SLC9B2: variants seen among roughly 807,000 people sequenced by gnomAD.
SLC9B2 encodes sodium/hydrogen exchanger 9B2.
Under a neutral mutation model 52.2 loss-of-function variants are expected in SLC9B2, and 39 were observed. The observed-to-expected ratio is 0.75, with a 90% CI of 0.58 to 0.98. SLC9B2 has a LOEUF of 0.98. SLC9B2 is among the 50% of genes least tolerant of loss of function. The pLI is 0.00. For synonymous variants in SLC9B2, 214 were observed against 227.0 expected (o/e 0.94, Z 0.51); for missense variants, 626 against 637.5 (o/e 0.98, Z 0.19).
chr4:103,075,274 G>A (rs773000263), intron 1 of SLC9B2, among the ~76,000 whole-genome samples: 11 of 151,908 alleles, frequency 7.2e-5, no homozygotes, highest in Non-Finnish European at 1.3e-4. Flanking sequence ...CTCAGCCTCC[G>A]GAATAGCTGG....
chr4:103,063,363 A>G (rs1389764196), intron 3 of SLC9B2, among the ~76,000 whole-genome samples: 1 of 152,204 alleles, frequency 6.6e-6, no homozygotes, highest in African/African-American at 2.4e-5. Context: ...TCTAGAGCCT[A>G]AAGTATAGTA....
Position 103,037,592 on chromosome 4 carries a change from T to A in SLC9B2, c.1146+5704A>T, listed in dbSNP as rs72937401. Among the ~76,000 whole-genome samples, 1,406 of 152,320 alleles carry A rather than the reference T, an allele frequency of 9.2e-3. 21 individuals carry two copies. Among genetic ancestry groups the A allele is most frequent in the African/African-American group, 0.032 (1,345 of 41,572 alleles). On this transcript the variant is annotated intron_variant, in intron 9 of 11. Transcript: ENST00000394785. ...TGAGGGCATTGGTTGATTTATTTAA[T>A]AGTTCTGTTTCTATAGCATGAAAAA...
At chr4:103,071,046 G>A (rs1746573360) in intron 1 of SLC9B2, among the ~76,000 whole-genome samples, 1 of 151,928 alleles carries the variant, frequency 6.6e-6, no homozygotes, top group Non-Finnish European at 1.5e-5. Context: ...ATATGTACCT[G>A]TTAAGAAGGA....
At chr4:103,062,750 A>C (rs1745778782) in intron 3 of SLC9B2, among the ~76,000 whole-genome samples, 1 of 152,162 alleles carries the variant, frequency 6.6e-6, no homozygotes, top group Admixed American at 6.5e-5. Flanking sequence ...AGCTGCAATT[A>C]CAGGCACCCA....
intron 3 of SLC9B2, among the ~76,000 whole-genome samples, chr4:103,059,040 CTG>C (rs1181006512): frequency 2.0e-5 from 3 of 152,080 alleles, no homozygotes; most frequent in South Asian, 2.1e-4. Flanking sequence ...GCACTCCAGC[CTG>C]TGTTACACAG....
intron 9 of SLC9B2, among the ~76,000 whole-genome samples, chr4:103,035,033 G>C (rs1292800581): frequency 1.3e-5 from 2 of 152,050 alleles, no homozygotes; most frequent in Non-Finnish European, 2.9e-5. Context: ...TTGTTACATA[G>C]GTAAACTTGT....
intron 10 of SLC9B2, among the ~76,000 whole-genome samples, chr4:103,029,611 G>C (rs1049368439): frequency 6.6e-6 from 1 of 152,100 alleles, no homozygotes; most frequent in African/African-American, 2.4e-5. Context: ...TAGTCCTGTA[G>C]AATTCTTTGC....
rs756623440 is a variant in SLC9B2 at position 103,026,401 on chromosome 4, T to G, written c.1583A>C (p.Glu528Ala). The G allele has an allele frequency of 1.4e-5, 22 of 1,613,388 alleles. No individual in the cohort carries two copies. Among genetic ancestry groups the G allele is most frequent in the Admixed American group, 1.3e-4 (8 of 59,942 alleles). Residue 528 changes from glutamate to alanine, a missense_variant, in exon 12 of 12, where the codon GAA becomes GCA. Physicochemically the swap from Glu to Ala is moderately radical, Grantham distance 107. Coordinates refer to ENST00000394785, the MANE Select transcript of SLC9B2 (RefSeq NM_178833.7). Reference protein sequence around the residue: ...QKVEHQNKDEEVQGETSVQV With the variant: ...QKVEHQNKDEAVQGETSVQV Reference sequence around the variant, plus strand: ...TTGCACAGAAGTCTCTCCTTGAACTTCTTCATCTTTATTTTGATGTTCAAC... The same window carrying G: ...TTGCACAGAAGTCTCTCCTTGAACTGCTTCATCTTTATTTTGATGTTCAAC...
rs1427752366 is a variant in SLC9B2, at chr4:103,024,430, G to A, written c.*1940C>T. The stretch of plus-strand genomic sequence containing the variant: ...AACATTAAAGGAATACAGCACCATA[G>A]GGTAACCAAAGCAAAGTTGACATAA... On this transcript the variant is annotated 3_prime_UTR_variant, in exon 12 of 12. Coordinates refer to ENST00000394785, the MANE Select transcript of SLC9B2 (RefSeq NM_178833.7). Among the ~76,000 whole-genome samples the A allele has an allele frequency of 5.3e-5, 8 of 152,168 alleles. No homozygotes were observed. Among genetic ancestry groups the A allele is most frequent in the Admixed American group, 3.3e-4 (5 of 15,280 alleles).
intron 1 of SLC9B2, among the ~76,000 whole-genome samples, chr4:103,073,573 G>C (rs1234540100): frequency 6.6e-6 from 1 of 152,140 alleles, no homozygotes; most frequent in African/African-American, 2.4e-5. Flanking sequence ...GAAAGACTTA[G>C]GTGTGTCAAA....
downstream of SLC9B2, chr4:103,020,350 C>T (rs548459293): frequency 3.7e-3 from 1,646 of 449,816 alleles, 11 homozygotes; most frequent in Admixed American, 8.3e-3. Context: ...AAGCTTTGGC[C>T]TTTCAGTCCC....
intron 5 of SLC9B2, among the ~76,000 whole-genome samples, chr4:103,049,766 C>T (rs1224348998): frequency 6.6e-6 from 1 of 152,106 alleles, no homozygotes; most frequent in Non-Finnish European, 1.5e-5. Context: ...AATCCTAGCA[C>T]TTTGGGAGGG....
Position 103,048,889 on chromosome 4 carries a change from T to G in SLC9B2, c.713+4A>C. 1 of 1,612,966 alleles carries G rather than the reference T, an allele frequency of 6.2e-7. No individual in the cohort carries two copies. The highest frequency in any genetic ancestry group is 8.5e-7 in the Non-Finnish European group (1 of 1,179,446). ...TTTTCATATGACAAAGAAACAATCA[T>G]TACCCCAGTATAAATCCCCATTGCC... On this transcript the variant is annotated splice_donor_region_variant and intron_variant, in intron 6 of 11. Coordinates refer to ENST00000394785, the MANE Select transcript of SLC9B2 (RefSeq NM_178833.7).
downstream of SLC9B2, among the ~76,000 whole-genome samples, chr4:103,018,931 A>T (rs949585669): frequency 6.6e-6 from 1 of 152,220 alleles, no homozygotes; most frequent in African/African-American, 2.4e-5. Context: ...ATAGGAGCAC[A>T]GACCTGATTA....
intron 6 of SLC9B2, chr4:103,048,579 C>A: frequency 4.9e-6 from 1 of 204,090 alleles, no homozygotes. Context: ...CTGTTGATCA[C>A]TGTTGCTGTG....
chr4:103,049,107 A>C, intron 5 of SLC9B2, 87 bp from the exon 6 acceptor site: 4 of 1,472,924 alleles, frequency 2.7e-6, no homozygotes, highest in Non-Finnish European at 2.8e-6. Context: ...CAGTATATGG[A>C]CCACGTCTGG....
In SLC9B2 at chr4:103,057,287, CACATATAT is replaced by C. The variant is rs1487321068; in HGVS notation, c.442+506_442+513del. ...ATATATATATATACACACACACACA[CACATATAT>C]ACACACACACACACACAAACACAAA... On this transcript the variant is annotated intron_variant, in intron 4 of 11. Transcript: ENST00000394785. Among the ~76,000 whole-genome samples the C allele has an allele frequency of 6.4e-4, 94 of 147,478 alleles. 1 individual carries two copies. The highest frequency in any genetic ancestry group is 2.3e-3 in the African/African-American group (88 of 38,936).
At chr4:103,039,130 CA>C (rs540907858) in intron 9 of SLC9B2, among the ~76,000 whole-genome samples, 73 of 152,202 alleles carry the variant, frequency 4.8e-4, no homozygotes, top group African/African-American at 1.7e-3. Flanking sequence ...TTTCAGAAGG[CA>C]AATGACTTGC....
At chr4:103,057,271 T>C (rs200777151) in intron 4 of SLC9B2, among the ~76,000 whole-genome samples, 64,974 of 144,702 alleles carry the variant, frequency 0.45, 14,753 homozygotes, top group African/African-American at 0.58. Flanking sequence ...TATATATATA[T>C]ATACACACAC....
Sources: allele counts gnomAD v4.1 joint callset (sites outside exome capture counted in the v4.1 genomes callset), GRCh38; gene constraint gnomAD v4.1.1; transcripts MANE v1.5; gene names NCBI Gene and HGNC (gene_info 2026-07-23, HGNC 2026-07-21).